GABRB2: variants seen among roughly 807,000 people sequenced by gnomAD.
GABRB2 encodes gamma-aminobutyric acid receptor subunit beta-2.
GABRB2 carries 16 observed loss-of-function variants against 54.7 expected under a neutral mutation model. The ratio of observed to expected loss-of-function variants is 0.29; its 90% CI spans 0.20 to 0.44. GABRB2 has a LOEUF of 0.44. GABRB2 is among the 20% of genes least tolerant of loss of function. The pLI is 1.00. For missense variants in GABRB2, 355 were observed against 644.0 expected, an observed-to-expected ratio of 0.55 and a Z score of 4.86; for synonymous variants, 244 against 233.8, an observed-to-expected ratio of 1.04 and a Z score of -0.40.
chr5:161,407,529 T>C (rs1360919808), intron 5 of GABRB2, among the ~76,000 whole-genome samples: 2 of 152,084 alleles, frequency 1.3e-5, no homozygotes, highest in Non-Finnish European at 2.9e-5. Flanking sequence ...ATTTCTGTAC[T>C]AGAACTCATT....
intron 3 of GABRB2, among the ~76,000 whole-genome samples, chr5:161,480,838 G>A (rs547259067): frequency 6.6e-6 from 1 of 152,054 alleles, no homozygotes; most frequent in Non-Finnish European, 1.5e-5. Flanking sequence ...ATTAAGAAAT[G>A]CATAAAAGTT....
intron 4 of GABRB2, among the ~76,000 whole-genome samples, chr5:161,422,220 C>T (rs960826036): frequency 6.1e-4 from 93 of 152,100 alleles, no homozygotes; most frequent in Non-Finnish European, 2.2e-4. Flanking sequence ...TTAAACACAA[C>T]TTTATTTATA....
In GABRB2 at chr5:161,508,100, T is replaced by C. The variant is rs570616946; in HGVS notation, c.237+37127A>G. On this transcript the variant is annotated intron_variant, in intron 3 of 9. Transcript: ENST00000393959. ...TAAATACTGTTTTAAGTACTATTTA[T>C]TAAATAAAAATATTTTATATCACTG... Among the ~76,000 whole-genome samples, 4 of 152,038 alleles carry C rather than the reference T, an allele frequency of 2.6e-5. No homozygotes were observed. In the South Asian group the frequency reaches 8.3e-4, roughly 32 times the overall value.
At chr5:161,307,231 A>G (rs1170793951) in intron 9 of GABRB2, among the ~76,000 whole-genome samples, 1 of 152,106 alleles carries the variant, frequency 6.6e-6, no homozygotes, top group Non-Finnish European at 1.5e-5. Context: ...CAGGCGCCCC[A>G]TTATAGCAAT....
intron 5 of GABRB2, among the ~76,000 whole-genome samples, chr5:161,371,311 A>G (rs1455152082): frequency 6.6e-6 from 1 of 152,204 alleles, no homozygotes; most frequent in Non-Finnish European, 1.5e-5. Flanking sequence ...GCCATAAAGA[A>G]CTGTCCTATA....
At chr5:161,474,996 G>A (rs1359078446) in intron 3 of GABRB2, among the ~76,000 whole-genome samples, 1 of 151,898 alleles carries the variant, frequency 6.6e-6, no homozygotes, top group African/African-American at 2.4e-5. Flanking sequence ...CTTCTCATAT[G>A]CATTCAGAGA....
intron 2 of GABRB2, 107 bp from the exon 3 acceptor site, chr5:161,545,401 T>A: frequency 1.2e-4 from 49 of 413,130 alleles, no homozygotes; most frequent in Non-Finnish European, 1.5e-4. Flanking sequence ...TCTGCACTAC[T>A]CAATCTCAAA....
chr5:161,525,865 A>G (rs1581058918), intron 3 of GABRB2, among the ~76,000 whole-genome samples: 1 of 151,394 alleles, frequency 6.6e-6, no homozygotes, highest in Admixed American at 6.6e-5. Flanking sequence ...CAGAAAAAAT[A>G]AAAATTTCAT....
chr5:161,312,260 G>T (rs1045284130), intron 9 of GABRB2, among the ~76,000 whole-genome samples: 15 of 152,092 alleles, frequency 9.9e-5, no homozygotes, highest in African/African-American at 3.6e-4. Context: ...CAACTCCCTT[G>T]TTAGAATTCT....
intron 3 of GABRB2, among the ~76,000 whole-genome samples, chr5:161,464,855 T>C (rs1440227240): frequency 6.6e-6 from 1 of 151,952 alleles, no homozygotes; most frequent in Non-Finnish European, 1.5e-5. Flanking sequence ...ACTATAGAGA[T>C]GAAGAACAGA....
intron 4 of GABRB2, among the ~76,000 whole-genome samples, chr5:161,456,445 C>T (rs1014999273): frequency 6.6e-6 from 1 of 152,126 alleles, no homozygotes; most frequent in Non-Finnish European, 1.5e-5. Flanking sequence ...AAGTTGTTTC[C>T]ATCTAAACAC....
chr5:161,397,744 A>G (rs1326806728), intron 5 of GABRB2, among the ~76,000 whole-genome samples: 1 of 152,212 alleles, frequency 6.6e-6, no homozygotes, highest in Non-Finnish European at 1.5e-5. Flanking sequence ...CAGTTCTGAC[A>G]GTGCTCGTAT....
chr5:161,306,380 T>C (rs1310845015), intron 9 of GABRB2, among the ~76,000 whole-genome samples: 1 of 152,232 alleles, frequency 6.6e-6, no homozygotes, highest in Non-Finnish European at 1.5e-5. Flanking sequence ...ACAAACCCCA[T>C]CTGGACTATA....
intron 8 of GABRB2, 103 bp downstream of exon 8, chr5:161,330,780 C>T: frequency 1.3e-6 from 2 of 1,508,648 alleles, no homozygotes; most frequent in South Asian, 1.2e-5. Context: ...CATTCTCTTC[C>T]CTGGGCTTGG....
chr5:161,377,405 T>C (rs1199479086), intron 5 of GABRB2, among the ~76,000 whole-genome samples: 2 of 152,114 alleles, frequency 1.3e-5, no homozygotes, highest in African/African-American at 4.8e-5. Context: ...TAGAGAATGT[T>C]TACTGATGGA....
chr5:161,504,889 A>C (rs1310980984), intron 3 of GABRB2, among the ~76,000 whole-genome samples: 1 of 152,058 alleles, frequency 6.6e-6, no homozygotes, highest in Non-Finnish European at 1.5e-5. Context: ...ACAATTCACA[A>C]AACTGACAAA....
At chr5:161,359,864 C>G (rs781747079) in intron 5 of GABRB2, among the ~76,000 whole-genome samples, 1 of 152,042 alleles carries the variant, frequency 6.6e-6, no homozygotes, top group Non-Finnish European at 1.5e-5. Flanking sequence ...AGGTAGATCA[C>G]GAGGTCAAGA....
intron 4 of GABRB2, among the ~76,000 whole-genome samples, chr5:161,456,579 G>A (rs1242052865): frequency 6.6e-6 from 1 of 152,134 alleles, no homozygotes; most frequent in East Asian, 1.9e-4. Context: ...AGATAACTAA[G>A]CTCATCTGCA....
chr5:161,433,792 A>G (rs1757238429), intron 4 of GABRB2, among the ~76,000 whole-genome samples: 1 of 152,172 alleles, frequency 6.6e-6, no homozygotes, highest in South Asian at 2.1e-4. Flanking sequence ...TCCTATTGGA[A>G]GAACCCTGCA....
Sources: gnomAD v4.1 joint callset for allele counts (sites outside exome capture counted in the v4.1 genomes callset) on GRCh38, gnomAD v4.1.1 for gene constraint, MANE v1.5 for transcripts, NCBI Gene and HGNC (gene_info 2026-07-23, HGNC 2026-07-21) for gene names.